The following THRA variants were observed in gnomAD, a reference collection of about 807,000 sequenced individuals.
The protein encoded by THRA is thyroid hormone receptor alpha.
Under a neutral mutation model 45.0 loss-of-function variants are expected in THRA, and 13 were observed. The observed-to-expected ratio is 0.29, with a 90% CI of 0.19 to 0.46. The LOEUF is 0.46. THRA is among the 20% of genes least tolerant of loss of function. The pLI is 1.00. For synonymous variants in THRA, 195 were observed against 214.0 expected, an observed-to-expected ratio of 0.91 and a Z score of 0.78; for missense variants, 278 against 556.1, an observed-to-expected ratio of 0.50 and a Z score of 5.03.
rs1425682775 is a variant in THRA, at chr17:40,090,973, A to G, written c.*1517A>G. ...CTGCCGCCCACTCCTCAGGGGAGAG[A>G]GGGAGAGAGGAGGTGGTCCTCCCAT... On this transcript the variant is annotated 3_prime_UTR_variant, in exon 9 of 9. Coordinates refer to ENST00000450525, the MANE Select transcript of THRA (RefSeq NM_199334.5). The G allele has an allele frequency of 6.6e-6, 1 of 152,130 alleles. No homozygotes were observed. Among genetic ancestry groups the G allele is most frequent in the Admixed American group, 6.6e-5 (1 of 15,246 alleles). 9.4% of individuals were successfully genotyped at this position (152,130 alleles called of 1,614,324 possible).
At chr17:40,074,940 A>G (rs1986898718) in intron 2 of THRA, among the ~76,000 whole-genome samples, 1 of 152,198 alleles carries the variant, frequency 6.6e-6, no homozygotes. Context: ...TGTTGTCCAC[A>G]AGCTGCGGTT....
chr17:40,093,099 C>T (rs752175778), downstream of THRA: 4 of 1,614,096 alleles, frequency 2.5e-6, no homozygotes, highest in South Asian at 1.1e-5. This position sits in a 1 kb window ranked among gnomAD's most constrained non-coding sequence, Gnocchi z 5.9. Flanking sequence ...GGCGTCCACC[C>T]GGAAGGACAG....
At chr17:40,067,155 T>C (rs931764747) in intron 1 of THRA, among the ~76,000 whole-genome samples, 1 of 152,176 alleles carries the variant, frequency 6.6e-6, no homozygotes, top group Non-Finnish European at 1.5e-5. Flanking sequence ...GGAATGAGTG[T>C]ATGGGAAAGA....
At chr17:40,083,786 AG>A (rs1987227604) in intron 4 of THRA, 48 bp from the exon 5 acceptor site, 2 of 1,541,534 alleles carry the variant, frequency 1.3e-6, no homozygotes, top group Non-Finnish European at 1.8e-6. Flanking sequence ...TGGTTCAGGA[AG>A]GGGAAGCCAT....
downstream of THRA, chr17:40,093,858 T>C (rs1343326003): frequency 5.2e-6 from 8 of 1,538,828 alleles, no homozygotes; most frequent in Admixed American, 1.3e-4. The surrounding 1 kb of genome is among the most constrained non-coding windows in gnomAD (Gnocchi z 5.9). Flanking sequence ...AAAAGGTGTG[T>C]TGAATTGAAC....
intron 1 of THRA, among the ~76,000 whole-genome samples, chr17:40,063,865 A>C (rs998243190): frequency 2.0e-5 from 3 of 151,732 alleles, no homozygotes; most frequent in South Asian, 4.2e-4. Flanking sequence ...AGCGTGAAAG[A>C]AAGGCCTGGG....
chr17:40,082,335 C>G (rs1987167686), intron 4 of THRA, among the ~76,000 whole-genome samples: 1 of 151,678 alleles, frequency 6.6e-6, no homozygotes, highest in Admixed American at 6.6e-5. Flanking sequence ...CTGCCTCAGC[C>G]TCCCAAGTAG....
chr17:40,089,490 TG>T lies in THRA; in HGVS notation c.*38del, dbSNP rs1567656311. The T allele has an allele frequency of 1.2e-6, 2 of 1,607,980 alleles. No individual in the cohort carries two copies. The highest frequency in any genetic ancestry group is 1.7e-6 in the Non-Finnish European group (2 of 1,176,586). On this transcript the variant is annotated 3_prime_UTR_variant, in exon 9 of 9. Coordinates refer to ENST00000450525, the MANE Select transcript of THRA (RefSeq NM_199334.5). This position sits in a 1 kb window ranked among gnomAD's most constrained non-coding sequence, Gnocchi z 6.1. ...GCGGCCAGAGGGTGTGCGGAGCTGG[TG>T]GGGAGGAGCCTGGAGAGAAGGGGCA...
chr17:40,070,389 G>T (rs536697030), intron 1 of THRA, among the ~76,000 whole-genome samples: 36 of 152,276 alleles, frequency 2.4e-4, no homozygotes, highest in Non-Finnish European at 4.7e-4. Flanking sequence ...AATAGAACAG[G>T]GGGTATGGGA....
intron 5 of THRA, 141 bp from the exon 6 acceptor site, chr17:40,084,469 G>T (rs1437517056): frequency 3.4e-6 from 3 of 874,608 alleles, no homozygotes; most frequent in African/African-American, 1.7e-5. Context: ...CTGCCCAACT[G>T]CTAGGTGATT....
chr17:40,091,266 A>ACACG lies in THRA; in HGVS notation c.*1813_*1814insGCAC, dbSNP rs1346699723. Reference sequence around the variant, plus strand: ...CACACACACACACACACACACACACACACACGGACATGCACACACGGACAT... The same window carrying ACACG: ...CACACACACACACACACACACACACACACGCACACGGACATGCACACACGGACAT... On this transcript the variant is annotated 3_prime_UTR_variant, in exon 9 of 9. Coordinates refer to ENST00000450525, the MANE Select transcript of THRA (RefSeq NM_199334.5). The ACACG allele has an allele frequency of 6.5e-6, 1 of 153,690 alleles. No individual in the cohort carries two copies. Among genetic ancestry groups the ACACG allele is most frequent in the Non-Finnish European group, 1.4e-5 (1 of 70,914 alleles). The allele number at this position is 153,690 out of a possible 1,614,324, so 9.5% of individuals were successfully genotyped here. A position where few individuals can be genotyped will look rare whatever the true frequency, so the allele number is the denominator to read the frequency against.
chr17:40,093,048 A>C, downstream of THRA: 1 of 1,614,124 alleles, frequency 6.2e-7, no homozygotes, highest in Non-Finnish European at 8.5e-7. The surrounding 1 kb of genome is among the most constrained non-coding windows in gnomAD (Gnocchi z 5.9). Context: ...TCGATTCTGT[A>C]CAAGGGGGCA....
intron 8 of THRA, 49 bp downstream of exon 8, chr17:40,088,549 A>C (rs200529463): frequency 6.4e-7 from 1 of 1,568,464 alleles, no homozygotes. Flanking sequence ...GGGGTCCCAG[A>C]GATTGGCTGG....
chr17:40,072,461 C>T (rs1986810016), intron 1 of THRA, among the ~76,000 whole-genome samples: 1 of 152,136 alleles, frequency 6.6e-6, no homozygotes, highest in Non-Finnish European at 1.5e-5. Flanking sequence ...CTTCTGTAAA[C>T]AAGTGGTGGC....
At chr17:40,087,103 T>TACACACAC (rs1194070018) in intron 7 of THRA, 1 of 439,790 alleles carries the variant, frequency 2.3e-6, no homozygotes, top group African/African-American at 2.8e-5. Flanking sequence ...CAGACACACA[T>TACACACAC]ACACACACAC....
intron 7 of THRA, among the ~76,000 whole-genome samples, chr17:40,087,300 CAG>C (rs1474212184): frequency 6.8e-6 from 1 of 147,562 alleles, no homozygotes; most frequent in African/African-American, 2.6e-5. Context: ...CACACACACA[CAG>C]ATACAGACAC....
At chr17:40,086,062 T>C (rs1987311159) in intron 6 of THRA, among the ~76,000 whole-genome samples, 2 of 152,172 alleles carry the variant, frequency 1.3e-5, no homozygotes, top group Non-Finnish European at 2.9e-5. Context: ...CAGTAAGCCA[T>C]GATTACACCG....
intron 4 of THRA, among the ~76,000 whole-genome samples, chr17:40,083,497 G>A (rs191010274): frequency 1.6e-4 from 24 of 152,282 alleles, no homozygotes; most frequent in Non-Finnish European, 2.6e-4. Flanking sequence ...ACATGCGTGC[G>A]CCACCGCGCC....
intron 4 of THRA, among the ~76,000 whole-genome samples, chr17:40,078,943 G>A (rs893440441): frequency 1.3e-5 from 2 of 151,944 alleles, no homozygotes; most frequent in African/African-American, 2.4e-5. Context: ...TGTTGACCAG[G>A]ATGGTCTTGA....
Sources: allele counts gnomAD v4.1 joint callset (sites outside exome capture counted in the v4.1 genomes callset), GRCh38; gene constraint gnomAD v4.1.1; non-coding constraint Gnocchi (gnomAD v3.1); transcripts MANE v1.5; gene names NCBI Gene and HGNC (gene_info 2026-07-23, HGNC 2026-07-21).